Variants in CCSER1 observed in about 807,000 individuals in gnomAD.
The protein encoded by CCSER1 is coiled-coil serine rich protein 1.
A neutral mutation model predicts 82.0 loss-of-function variants in CCSER1; 41 were observed. The observed-to-expected ratio is 0.50, with a 90% CI of 0.39 to 0.65. The LOEUF is 0.65. Ranked by LOEUF, CCSER1 falls within the 30% of genes least tolerant of loss-of-function variation. The pLI is 0.00. For missense variants in CCSER1, 1,119 were observed against 1,064.2 expected, an observed-to-expected ratio of 1.05 and a Z score of -0.72; for synonymous variants, 414 against 383.9, an observed-to-expected ratio of 1.08 and a Z score of -0.92.
chr4:91,161,149 T>C (rs1238480055), intron 10 of CCSER1, among the ~76,000 whole-genome samples: 2 of 152,210 alleles, frequency 1.3e-5, no homozygotes, highest in Non-Finnish European at 2.9e-5. Flanking sequence ...GCACCATTTA[T>C]TAAATAGGGA....
rs184224647 is a variant in CCSER1 at position 91,177,461 on chromosome 4, G to A, written c.2217+91467G>A. ...ATCCATCTGGTCCTGGACTTTTTTT[G>A]GTTGGTAGGCTACCAATTGTTGCCT... On this transcript the variant is annotated intron_variant, in intron 10 of 10. Transcript: ENST00000509176. 3.3e-5 allele frequency among the ~76,000 whole-genome samples: 5 copies of A among 152,186 alleles called. No homozygotes were observed. In the East Asian group the frequency reaches 9.7e-4, roughly 29 times the overall value.
intron 1 of CCSER1, among the ~76,000 whole-genome samples, chr4:90,216,027 T>C (rs184843398): frequency 2.6e-5 from 4 of 152,300 alleles, no homozygotes; most frequent in African/African-American, 9.6e-5. Flanking sequence ...TTCTGATGGA[T>C]AAAATTTGTC....
chr4:90,572,249 G>A (rs1339701135), intron 5 of CCSER1, among the ~76,000 whole-genome samples: 1 of 152,076 alleles, frequency 6.6e-6, no homozygotes, highest in African/African-American at 2.4e-5. Flanking sequence ...TCCCTTATAT[G>A]TTGTCTCTTT....
At chr4:90,886,339 C>T (rs1722116053) in intron 8 of CCSER1, among the ~76,000 whole-genome samples, 2 of 152,128 alleles carry the variant, frequency 1.3e-5, no homozygotes, top group African/African-American at 2.4e-5. Flanking sequence ...GATTCAGCTT[C>T]AGTCTTTTCT....
intron 10 of CCSER1, among the ~76,000 whole-genome samples, chr4:91,203,234 C>G (rs898899180): frequency 6.6e-6 from 1 of 151,916 alleles, no homozygotes; most frequent in Non-Finnish European, 1.5e-5. Context: ...ATTTCCATTT[C>G]TCTGATGGCC....
chr4:90,640,069 T>C (rs2148978237), intron 6 of CCSER1, among the ~76,000 whole-genome samples: 1 of 152,220 alleles, frequency 6.6e-6, no homozygotes, highest in Non-Finnish European at 1.5e-5. Context: ...GAAGGTCAGC[T>C]TGGGGAGGTG....
At chr4:90,306,595 G>A (rs923353585) in intron 1 of CCSER1, among the ~76,000 whole-genome samples, 2 of 152,084 alleles carry the variant, frequency 1.3e-5, no homozygotes, top group Non-Finnish European at 2.9e-5. Context: ...AAATACTTAT[G>A]AATGCATATC....
At chr4:90,252,777 A>C (rs1169194038) in intron 1 of CCSER1, among the ~76,000 whole-genome samples, 1 of 151,878 alleles carries the variant, frequency 6.6e-6, no homozygotes, top group Non-Finnish European at 1.5e-5. Flanking sequence ...TGGAGAACAT[A>C]TTTTTGTATT....
intron 6 of CCSER1, among the ~76,000 whole-genome samples, chr4:90,651,003 T>C (rs1056465592): frequency 1.3e-5 from 2 of 152,174 alleles, no homozygotes; most frequent in African/African-American, 4.8e-5. Context: ...TTTGGGGAAG[T>C]TATTTAATGT....
intron 6 of CCSER1, among the ~76,000 whole-genome samples, chr4:90,691,383 CAT>C (rs1266881264): frequency 2.0e-5 from 3 of 151,806 alleles, no homozygotes; most frequent in Non-Finnish European, 1.5e-5. Flanking sequence ...TAAAAAAACT[CAT>C]ATATATGTGT....
At chr4:91,499,345 A>G (rs1291129462) in intron 10 of CCSER1, among the ~76,000 whole-genome samples, 2 of 151,942 alleles carry the variant, frequency 1.3e-5, no homozygotes, top group African/African-American at 2.4e-5. Flanking sequence ...TTTTTAGTTT[A>G]CAGCAAAATT....
At chr4:91,268,848 A>C (rs1457151370) in intron 10 of CCSER1, among the ~76,000 whole-genome samples, 2 of 152,172 alleles carry the variant, frequency 1.3e-5, no homozygotes, top group Non-Finnish European at 2.9e-5. Flanking sequence ...ACAATGGTGG[A>C]ATGTCATCAG....
chr4:90,492,243 TG>T lies in CCSER1; in HGVS notation c.1724+23892del, dbSNP rs200973653. 7.8e-3 allele frequency among the ~76,000 whole-genome samples: 1,193 copies of T among 152,288 alleles called. 16 individuals are homozygous for T. The highest frequency in any genetic ancestry group is 0.027 in the African/African-American group (1,133 of 41,548). ...ATTCAACTTCTTCCTGGTTTAGTCT[TG>T]GGAGAGTGTATGTGTCCAGGAATTT... On this transcript the variant is annotated intron_variant, in intron 5 of 10. Transcript: ENST00000509176.
chr4:91,000,257 A>G (rs1295533703), intron 9 of CCSER1, among the ~76,000 whole-genome samples: 2 of 150,732 alleles, frequency 1.3e-5, no homozygotes, highest in African/African-American at 4.9e-5. Context: ...ATAGTATAGT[A>G]TAGTATAGTA....
chr4:90,570,794 A>G (rs1288594266), intron 5 of CCSER1, among the ~76,000 whole-genome samples: 1 of 152,108 alleles, frequency 6.6e-6, no homozygotes, highest in East Asian at 1.9e-4. Context: ...GTAAGAGCCT[A>G]CTGAGCCTTA....
intron 10 of CCSER1, among the ~76,000 whole-genome samples, chr4:91,508,032 T>TAAAG (rs1200498899): frequency 1.3e-5 from 2 of 149,150 alleles, no homozygotes; most frequent in Non-Finnish European, 3.0e-5. Context: ...CATCTCTCAA[T>TAAAG]AAAGAAAGTT....
intron 9 of CCSER1, among the ~76,000 whole-genome samples, chr4:91,012,964 G>C (rs1221746061): frequency 2.2e-5 from 3 of 134,324 alleles, no homozygotes; most frequent in African/African-American, 7.4e-5. Context: ...CTGGCAGGGG[G>C]ATGGGGTGGT....
At chr4:91,125,086 A>G (rs1272023466) in intron 10 of CCSER1, among the ~76,000 whole-genome samples, 2 of 151,746 alleles carry the variant, frequency 1.3e-5, no homozygotes, top group Non-Finnish European at 3.0e-5. Context: ...TATACTTTAA[A>G]ACTATTACAT....
intron 10 of CCSER1, among the ~76,000 whole-genome samples, chr4:91,147,155 T>C (rs1016361234): frequency 1.3e-5 from 2 of 152,150 alleles, no homozygotes; most frequent in Non-Finnish European, 2.9e-5. Flanking sequence ...ATGTCTGCAG[T>C]TGGTCTGGTG....
Sources: gnomAD v4.1 joint callset for allele counts (sites outside exome capture counted in the v4.1 genomes callset) on GRCh38, gnomAD v4.1.1 for gene constraint, MANE v1.5 for transcripts, NCBI Gene and HGNC (gene_info 2026-07-23, HGNC 2026-07-21) for gene names.